CNTNAP4: variants seen among roughly 807,000 people sequenced by gnomAD.
The protein encoded by CNTNAP4 is contactin associated protein family member 4, also known as contactin-associated protein-like 4.
CNTNAP4 carries 98 observed loss-of-function variants against 148.4 expected under a neutral mutation model. That is an observed-to-expected ratio of 0.66 (90% confidence interval 0.56 to 0.78). The LOEUF is 0.78. CNTNAP4 is among the 30% of genes least tolerant of loss of function. CNTNAP4 has a pLI of 0.00. For synonymous variants in CNTNAP4, 730 were observed against 565.1 expected (o/e 1.29, Z -4.14); for missense variants, 1,935 against 1,565.6 (o/e 1.24, Z -3.98).
At position 76,539,726 on chromosome 16, in the gene CNTNAP4, G is replaced by A. The variant is rs1179395097; in HGVS notation, c.3228G>A (p.Leu1076=). 6.3e-7 allele frequency: 1 copy of A among 1,592,784 alleles called. No individual in the cohort carries two copies. The highest frequency in any genetic ancestry group is 8.5e-7 in the Non-Finnish European group (1 of 1,173,458). The change falls in exon 20 of 24, where the codon TTG becomes TTA. Residue 1076 remains leucine, a synonymous_variant. Transcript: ENST00000611870. The part of the protein sequence containing the change: ...LSVIIAKNGS[L]QIRYKLNKYQ... Reference sequence around the variant, plus strand: ...AATTTTTCCCCACTCTAGGAAGTTTGCAGATCAGGTACAAGTTAAATAAAT... The same window carrying A: ...AATTTTTCCCCACTCTAGGAAGTTTACAGATCAGGTACAAGTTAAATAAAT...
rs537319239 is a variant in CNTNAP4 at position 76,390,314 on chromosome 16, A to G, written c.390+34803A>G. The stretch of plus-strand genomic sequence containing the variant: ...TATTGTAACTAATTGTAACTTATCT[A>G]TTGTAGCTAATCTGGTGAAGTCTTC... On this transcript the variant is annotated intron_variant, in intron 3 of 23. Coordinates refer to ENST00000611870, the MANE Select transcript of CNTNAP4 (RefSeq NM_033401.5). Among the ~76,000 whole-genome samples, 4 of 152,304 alleles carry G rather than the reference A, an allele frequency of 2.6e-5. No homozygotes were observed. The East Asian group carries it at 5.8e-4, about 22-fold the overall frequency.
intron 4 of CNTNAP4, among the ~76,000 whole-genome samples, chr16:76,443,682 A>T (rs1597558214): frequency 6.6e-6 from 1 of 152,326 alleles, no homozygotes; most frequent in Non-Finnish European, 1.5e-5. Context: ...TTGGATGCTT[A>T]ATTTAGTGTT....
intron 9 of CNTNAP4, among the ~76,000 whole-genome samples, chr16:76,463,807 G>T (rs9930154): frequency 0.59 from 88,862 of 151,872 alleles, 26,128 homozygotes; most frequent in African/African-American, 0.64. Flanking sequence ...TGGGTTTTAT[G>T]CTTGCTTCAT....
chr16:76,383,411 AAC>A (rs1246568650), intron 3 of CNTNAP4, among the ~76,000 whole-genome samples: 140 of 152,034 alleles, frequency 9.2e-4, no homozygotes, highest in African/African-American at 3.2e-3. Flanking sequence ...AAAAAAAAAA[AAC>A]GTATCATGTA....
chr16:76,365,314 TTC>T (rs1567867410), intron 3 of CNTNAP4, among the ~76,000 whole-genome samples: 11 of 152,202 alleles, frequency 7.2e-5, no homozygotes, highest in African/African-American at 2.7e-4. Context: ...ACTGTGATGG[TTC>T]CAGCTTTGTT....
intron 11 of CNTNAP4, among the ~76,000 whole-genome samples, chr16:76,478,417 T>C (rs1203870464): frequency 2.0e-5 from 3 of 152,208 alleles, no homozygotes; most frequent in South Asian, 2.1e-4. Context: ...AATAAAACTG[T>C]CACACTGTGG....
At chr16:76,503,459 C>CAA (rs1312397446) in intron 15 of CNTNAP4, among the ~76,000 whole-genome samples, 3 of 152,062 alleles carry the variant, frequency 2.0e-5, no homozygotes, top group African/African-American at 7.2e-5. Flanking sequence ...TAGAAAATCT[C>CAA]AAATTATATT....
At chr16:76,479,331 T>G in intron 11 of CNTNAP4, 88 bp from the exon 12 acceptor site, 1 of 1,218,732 alleles carries the variant, frequency 8.2e-7, no homozygotes, top group Non-Finnish European at 1.1e-6. Context: ...CATTTTAAAT[T>G]TCAAGATTTG....
rs1275717347 is a variant in CNTNAP4 at position 76,448,128 on chromosome 16, G to A, written c.655G>A (p.Gly219Arg). The A allele has an allele frequency of 2.5e-6, 4 of 1,613,064 alleles. No individual in the cohort carries two copies. Among genetic ancestry groups the A allele is most frequent in the Non-Finnish European group, 3.4e-6 (4 of 1,179,274 alleles). The change falls in exon 5 of 24, where the codon GGG becomes AGG. Residue 219 changes from glycine (G) to arginine (R), a missense_variant. By Grantham distance (125) the Gly-to-Arg change is moderately radical. Coordinates refer to ENST00000611870, the MANE Select transcript of CNTNAP4 (RefSeq NM_033401.5). The part of the protein sequence containing the change: ...SLKFKTMQSD[G>R]ILLHREGPNG... ...GAAATTCAAAACCATGCAGAGTGAT[G>A]GGATTCTACTCCACAGGGAAGGGCC...
intron 1 of CNTNAP4, among the ~76,000 whole-genome samples, chr16:76,310,796 A>AT (rs35735286): frequency 0.012 from 1,787 of 144,906 alleles, 14 homozygotes; most frequent in South Asian, 0.022. Flanking sequence ...AATCAGCCCT[A>AT]TTTTTTTTTT....
At chr16:76,538,809 A>G (rs1010017467) in intron 19 of CNTNAP4, among the ~76,000 whole-genome samples, 5 of 152,066 alleles carry the variant, frequency 3.3e-5, no homozygotes, top group Non-Finnish European at 1.5e-5. Context: ...TAAAAAAATC[A>G]TCATGGGAAA....
chr16:76,553,235 A>G, intron 21 of CNTNAP4, 48 bp from the exon 22 acceptor site: 4 of 1,200,202 alleles, frequency 3.3e-6, no homozygotes, highest in South Asian at 1.4e-5. Flanking sequence ...ATCATCGCCT[A>G]TTTTCACTTT....
intron 23 of CNTNAP4, among the ~76,000 whole-genome samples, chr16:76,556,146 A>G (rs73623105): frequency 0.013 from 1,928 of 152,186 alleles, 52 homozygotes; most frequent in African/African-American, 0.043. Flanking sequence ...TGCAAAATGA[A>G]TGGTATAAGA....
At chr16:76,343,782 C>T (rs955668201) in intron 2 of CNTNAP4, among the ~76,000 whole-genome samples, 3 of 151,814 alleles carry the variant, frequency 2.0e-5, no homozygotes, top group Non-Finnish European at 2.9e-5. Flanking sequence ...ATTTAAAACA[C>T]GTGTAATAAT....
intron 2 of CNTNAP4, among the ~76,000 whole-genome samples, chr16:76,350,355 T>A (rs1212731701): frequency 1.3e-5 from 2 of 152,210 alleles, no homozygotes; most frequent in Non-Finnish European, 2.9e-5. Flanking sequence ...TTTTTCTTTT[T>A]AAAAGAGATG....
At chr16:76,334,726 C>T (rs910285524) in intron 2 of CNTNAP4, among the ~76,000 whole-genome samples, 1 of 152,122 alleles carries the variant, frequency 6.6e-6, no homozygotes, top group Non-Finnish European at 1.5e-5. Context: ...TCAAAAGACA[C>T]TGTCAAAACC....
intron 22 of CNTNAP4, 44 bp downstream of exon 22, chr16:76,553,545 T>A (rs2085059626): frequency 2.9e-6 from 4 of 1,393,960 alleles, no homozygotes; most frequent in Non-Finnish European, 4.0e-6. Context: ...ACGTAGCTTG[T>A]CCATGGAATT....
At chr16:76,351,495 C>T (rs768102488) in intron 2 of CNTNAP4, among the ~76,000 whole-genome samples, 14 of 152,210 alleles carry the variant, frequency 9.2e-5, no homozygotes, top group Admixed American at 6.5e-5. Context: ...CTCTATCACA[C>T]GCTAATACCA....
chr16:76,550,673 A>G (rs1052838169), intron 21 of CNTNAP4, among the ~76,000 whole-genome samples: 1 of 77,666 alleles, frequency 1.3e-5, no homozygotes, highest in African/African-American at 3.8e-5. Context: ...TCATTAAAGT[A>G]AAAAGAAAAA....
Sources: gnomAD v4.1 joint callset for allele counts (sites outside exome capture counted in the v4.1 genomes callset) on GRCh38, gnomAD v4.1.1 for gene constraint, MANE v1.5 for transcripts, NCBI Gene and HGNC (gene_info 2026-07-23, HGNC 2026-07-21) for gene names.